GSDMC: variants seen among roughly 807,000 people sequenced by gnomAD.
The protein encoded by GSDMC is gasdermin-C.
A neutral mutation model predicts 58.0 loss-of-function variants in GSDMC; 59 were observed. The observed-to-expected ratio is 1.02, with a 90% CI of 0.82 to 1.26. The LOEUF is 1.26. Ranked by LOEUF, GSDMC falls within the 50% of genes most tolerant of loss-of-function variation. The probability of loss-of-function intolerance (pLI) is 0.00; values close to 1 mark genes in which losing one functional copy is unlikely to be tolerated. For missense variants in GSDMC, 659 were observed against 598.5 expected, an observed-to-expected ratio of 1.10 and a Z score of -1.06; for synonymous variants, 241 against 220.2, an observed-to-expected ratio of 1.09 and a Z score of -0.83.
chr8:129,766,575 A>C (rs1188262603), intron 3 of GSDMC, among the ~76,000 whole-genome samples: 2 of 152,180 alleles, frequency 1.3e-5, no homozygotes, highest in Non-Finnish European at 2.9e-5. Flanking sequence ...GTTATGTGAC[A>C]TCTACTTATC....
chr8:129,732,061 A>G, the GSDMC span, among the ~76,000 whole-genome samples: 1 of 152,194 alleles, frequency 6.6e-6, no homozygotes, highest in Non-Finnish European at 1.5e-5. Context: ...TGCCAATACA[A>G]TAGCATCAAG....
chr8:129,752,812 T>C lies in GSDMC; in HGVS notation c.730A>G (p.Ile244Val), dbSNP rs1486853126. The change falls in exon 7 of 14, where the codon ATT becomes GTT. Residue 244 changes from isoleucine (I) to valine (V), a missense_variant. Transcript: ENST00000276708. ...EQRTFQDEYE[I>V]SEMVGYCAAR... ...GCACAGTAGCCTACCATTTCGGAAA[T>C]TTCGTACTCTTGGGAGAGAGGGAGA... The C allele has an allele frequency of 2.5e-6, 4 of 1,613,880 alleles. No homozygotes were observed. The highest frequency in any genetic ancestry group is 1.3e-5 in the African/African-American group (1 of 74,876).
chr8:129,717,102 G>A, the GSDMC span, among the ~76,000 whole-genome samples: 2 of 152,130 alleles, frequency 1.3e-5, no homozygotes, highest in Non-Finnish European at 1.5e-5. Flanking sequence ...TCTCTGCCAG[G>A]TTTTGGCATC....
At position 129,750,588 on chromosome 8, in the gene GSDMC, C is replaced by A. The variant is rs73712931; in HGVS notation, c.944-18G>T. 2 of 1,611,684 alleles carry A rather than the reference C, an allele frequency of 1.2e-6. No individual in the cohort carries two copies. Among genetic ancestry groups the A allele is most frequent in the Non-Finnish European group, 1.7e-6 (2 of 1,178,872 alleles). On this transcript the variant is annotated intron_variant, in intron 10 of 13. Transcript: ENST00000276708. ...CTTGAAATCTGCTCTCAGGCATCAA[C>A]GCCGACCAGAAAGTGGGGACAAGTC...
intron 1 of GSDMC, among the ~76,000 whole-genome samples, chr8:129,779,703 T>A (rs1175263545): frequency 6.6e-6 from 1 of 151,986 alleles, no homozygotes; most frequent in Non-Finnish European, 1.5e-5. Context: ...AAATTATTTT[T>A]AAATTCTGTA....
chr8:129,769,554 C>G (rs552684810), intron 3 of GSDMC, among the ~76,000 whole-genome samples: 24 of 152,212 alleles, frequency 1.6e-4, no homozygotes, highest in African/African-American at 5.3e-4. Flanking sequence ...AAAGCAGAAG[C>G]AAACACATGA....
rs776885483 is a variant in GSDMC, at chr8:129,760,540, C to T, written c.721+5G>A. 3 of 1,571,182 alleles carry T rather than the reference C, an allele frequency of 1.9e-6. No homozygotes were observed. The highest frequency in any genetic ancestry group is 2.6e-6 in the Non-Finnish European group (3 of 1,142,864). On this transcript the variant is annotated splice_donor_5th_base_variant and intron_variant, in intron 6 of 13. Transcript: ENST00000276708. ...AAAATAAAAAGACCAGGCTTTGGAA[C>T]TCACCATCTTGAAAGGTTCTCTGTT...
the GSDMC span, among the ~76,000 whole-genome samples, chr8:129,735,919 A>G: frequency 3.9e-5 from 6 of 152,168 alleles, no homozygotes; most frequent in Non-Finnish European, 2.9e-5. Context: ...CAAGACTAAT[A>G]AAGTAGAAAA....
At chr8:129,711,915 C>A in the GSDMC span, among the ~76,000 whole-genome samples, 6 of 152,240 alleles carry the variant, frequency 3.9e-5, no homozygotes, top group South Asian at 8.3e-4. Context: ...TCCAGGTAGT[C>A]CAGTTATAGT....
At chr8:129,770,070 TAACTC>T (rs1196441870) in intron 3 of GSDMC, among the ~76,000 whole-genome samples, 1 of 152,220 alleles carries the variant, frequency 6.6e-6, no homozygotes, top group African/African-American at 2.4e-5. Context: ...ATATTAAAAA[TAACTC>T]TATAATAATT....
the GSDMC span, among the ~76,000 whole-genome samples, chr8:129,736,092 G>A: frequency 1.6e-3 from 238 of 150,504 alleles, 1 homozygote; most frequent in African/African-American, 5.2e-3. Context: ...CACATGCTCC[G>A]GAAGAAATTG....
At chr8:129,718,202 C>T in the GSDMC span, among the ~76,000 whole-genome samples, 27 of 152,102 alleles carry the variant, frequency 1.8e-4, no homozygotes, top group African/African-American at 6.5e-4. Flanking sequence ...AGAGCTTTTG[C>T]ACAGCAAAAG....
At chr8:129,773,645 G>T (rs1275300296) in intron 3 of GSDMC, among the ~76,000 whole-genome samples, 1 of 152,002 alleles carries the variant, frequency 6.6e-6, no homozygotes, top group Admixed American at 6.6e-5. Context: ...CATTAGCTGG[G>T]CATTGTGGTG....
At chr8:129,769,946 T>C (rs988422806) in intron 3 of GSDMC, among the ~76,000 whole-genome samples, 2 of 152,218 alleles carry the variant, frequency 1.3e-5, no homozygotes, top group Non-Finnish European at 2.9e-5. Flanking sequence ...GTAAAACACA[T>C]GAATGTGTAA....
At chr8:129,723,796 T>C in the GSDMC span, among the ~76,000 whole-genome samples, 10 of 152,192 alleles carry the variant, frequency 6.6e-5, no homozygotes, top group African/African-American at 1.9e-4. Flanking sequence ...GGTTAAATGG[T>C]TTATTTCTCT....
At chr8:129,785,981 T>C (rs1191736977) in intron 1 of GSDMC, 30 bp downstream of exon 1, 1 of 152,226 alleles carries the variant, frequency 6.6e-6, no homozygotes, top group Admixed American at 6.5e-5. Context: ...AATCTTTTCT[T>C]TTTCATCCCC....
the GSDMC span, among the ~76,000 whole-genome samples, chr8:129,725,931 C>G: frequency 6.6e-6 from 1 of 152,172 alleles, no homozygotes; most frequent in African/African-American, 2.4e-5. Flanking sequence ...GATAATGAAT[C>G]CCAAGATTCT....
intron 6 of GSDMC, among the ~76,000 whole-genome samples, chr8:129,754,372 A>G (rs1001934407): frequency 6.6e-6 from 1 of 152,230 alleles, no homozygotes; most frequent in African/African-American, 2.4e-5. Flanking sequence ...AAATCCAGGT[A>G]ATTTTTCTGG....
chr8:129,708,249 C>G, the GSDMC span, among the ~76,000 whole-genome samples: 1 of 152,196 alleles, frequency 6.6e-6, no homozygotes, highest in Non-Finnish European at 1.5e-5. Context: ...GAGTTCACAG[C>G]CAAGGGAACA....
Sources: allele counts gnomAD v4.1 joint callset (sites outside exome capture counted in the v4.1 genomes callset), GRCh38; gene constraint gnomAD v4.1.1; transcripts MANE v1.5; gene names NCBI Gene and HGNC (gene_info 2026-07-23, HGNC 2026-07-21).